The following ROBO2 variants were observed in gnomAD, a reference collection of about 807,000 sequenced individuals.
The protein encoded by ROBO2 is roundabout homolog 2.
A neutral mutation model predicts 160.8 loss-of-function variants in ROBO2; 53 were observed. That is an observed-to-expected ratio of 0.33 (90% CI 0.26 to 0.41). The LOEUF (loss-of-function observed/expected upper bound fraction) is 0.41, where lower values mean the gene tolerates loss of function less well. Ranked by LOEUF, ROBO2 falls within the 10% of genes least tolerant of loss-of-function variation. ROBO2 has a pLI of 1.00. For missense variants in ROBO2, 1,577 were observed against 1,722.4 expected (o/e 0.92, Z 1.49); for synonymous variants, 664 against 611.7 (o/e 1.09, Z -1.26).
chr3:76,810,925 T>A (rs937080345), intron 2 of ROBO2, among the ~76,000 whole-genome samples: 1 of 152,124 alleles, frequency 6.6e-6, no homozygotes, highest in Non-Finnish European at 1.5e-5. Context: ...ATGAAGATAA[T>A]TTGGTTGTTT....
intron 2 of ROBO2, among the ~76,000 whole-genome samples, chr3:76,262,515 A>T (rs984849771): frequency 2.0e-5 from 3 of 152,100 alleles, no homozygotes. Context: ...GCTTTGGTAG[A>T]ACCTTGGGTC....
chr3:76,465,135 TG>T (rs2078293910), intron 2 of ROBO2, among the ~76,000 whole-genome samples: 1 of 152,100 alleles, frequency 6.6e-6, no homozygotes, highest in Non-Finnish European at 1.5e-5. Flanking sequence ...TTTATATTTT[TG>T]TTGAGGCGTA....
chr3:76,567,153 A>C (rs548091067), intron 2 of ROBO2, among the ~76,000 whole-genome samples: 1 of 152,302 alleles, frequency 6.6e-6, no homozygotes, highest in South Asian at 2.1e-4. Context: ...GATAAGGAAA[A>C]GGCAAAAGTC....
chr3:77,062,476 A>G (rs1479810563), intron 1 of ROBO2, among the ~76,000 whole-genome samples: 1 of 152,170 alleles, frequency 6.6e-6, no homozygotes. Flanking sequence ...AAGAGGACTT[A>G]GTGGTGATGA....
At chr3:76,698,412 G>C (rs777090526) in intron 2 of ROBO2, among the ~76,000 whole-genome samples, 3 of 152,164 alleles carry the variant, frequency 2.0e-5, no homozygotes, top group Non-Finnish European at 2.9e-5. Flanking sequence ...GCTGGTCTCT[G>C]GAAGGGGGTG....
intron 2 of ROBO2, among the ~76,000 whole-genome samples, chr3:76,486,895 T>C (rs2107450374): frequency 6.6e-6 from 1 of 152,310 alleles, no homozygotes; most frequent in South Asian, 2.1e-4. Flanking sequence ...TTCTAAATAA[T>C]TGTTATCCCC....
chr3:76,098,266 A>T (rs1320895129), intron 2 of ROBO2, among the ~76,000 whole-genome samples: 1 of 152,212 alleles, frequency 6.6e-6, no homozygotes, highest in Non-Finnish European at 1.5e-5. Flanking sequence ...TTCTATTCTT[A>T]AGAAATAGAA....
chr3:76,792,862 ATG>A, intron 2 of ROBO2, among the ~76,000 whole-genome samples: 1 of 151,948 alleles, frequency 6.6e-6, no homozygotes, highest in South Asian at 2.1e-4. Context: ...ATTAATTTAA[ATG>A]CATGGCACTC....
intron 2 of ROBO2, among the ~76,000 whole-genome samples, chr3:77,180,434 A>AT (rs71104658): frequency 0.014 from 1,105 of 81,766 alleles, 76 homozygotes; most frequent in East Asian, 0.017. Context: ...ATATATATGT[A>AT]TTTTTTTTTT....
chr3:76,609,807 G>A (rs1211387568), intron 2 of ROBO2, among the ~76,000 whole-genome samples: 1 of 152,194 alleles, frequency 6.6e-6, no homozygotes, highest in Non-Finnish European at 1.5e-5. Context: ...AGATCTTGAA[G>A]AAAAGTTTTA....
chr3:76,925,105 G>A (rs2076897449), intron 2 of ROBO2, among the ~76,000 whole-genome samples: 1 of 150,688 alleles, frequency 6.6e-6, no homozygotes, highest in South Asian at 2.1e-4. Context: ...CTACTTGGGA[G>A]GCTGAGGCAG....
At position 76,033,161 on chromosome 3, in the gene ROBO2, A is replaced by C. The variant is rs562191495; in HGVS notation, c.109+95559A>C. 3.7e-4 allele frequency among the ~76,000 whole-genome samples: 57 copies of C among 152,250 alleles called. No individual in the cohort carries two copies. The South Asian group carries it at 0.012, about 32-fold the overall frequency. On this transcript the variant is annotated intron_variant, in intron 2 of 26. Transcript: ENST00000487694. ...TTTTTCTTTGTTTCCTCAGGGGGGA[A>C]AAATATGGTACTTTTATCATGGTTG...
At chr3:75,931,009 G>T (rs1947508798) in intron 1 of ROBO2, among the ~76,000 whole-genome samples, 1 of 152,142 alleles carries the variant, frequency 6.6e-6, no homozygotes, top group Admixed American at 6.6e-5. Flanking sequence ...CGCTTTTCTG[G>T]TGTACTTGGA....
chr3:76,930,937 C>G (rs151218823), intron 2 of ROBO2, among the ~76,000 whole-genome samples: 30 of 152,330 alleles, frequency 2.0e-4, no homozygotes, highest in African/African-American at 7.2e-4. Context: ...TTACAAACTT[C>G]TGGGCATCCC....
intron 2 of ROBO2, among the ~76,000 whole-genome samples, chr3:76,272,983 TATATA>T (rs1559706832): frequency 4.5e-5 from 4 of 89,496 alleles, no homozygotes; most frequent in Admixed American, 1.9e-4. Context: ...ATATATATAA[TATATA>T]ATATATAATT....
At chr3:77,056,026 T>C (rs1393012379) in intron 1 of ROBO2, among the ~76,000 whole-genome samples, 1 of 152,232 alleles carries the variant, frequency 6.6e-6, no homozygotes, top group Non-Finnish European at 1.5e-5. Flanking sequence ...TGTGTAGGTA[T>C]TTATCTCACA....
intron 2 of ROBO2, among the ~76,000 whole-genome samples, chr3:76,025,863 G>T (rs1228839630): frequency 3.3e-5 from 5 of 151,768 alleles, no homozygotes; most frequent in Non-Finnish European, 7.4e-5. Flanking sequence ...CACTTCAGTG[G>T]CATCTAGTCC....
intron 2 of ROBO2, among the ~76,000 whole-genome samples, chr3:76,231,158 T>C (rs1229766318): frequency 6.6e-6 from 1 of 152,196 alleles, no homozygotes; most frequent in Non-Finnish European, 1.5e-5. Flanking sequence ...AACCCTAGGA[T>C]GTTAATACAC....
rs552895551 is a variant in ROBO2 at position 77,387,278 on chromosome 3, G to A, written c.389-90136G>A. Among the ~76,000 whole-genome samples, 4 of 149,138 alleles carry A rather than the reference G, an allele frequency of 2.7e-5. No homozygotes were observed. The East Asian group carries it at 5.9e-4, about 22-fold the overall frequency. On this transcript the variant is annotated intron_variant, in intron 2 of 25. Transcript: ENST00000461745. ...CACACTTTGGGAAGCTGAGGCAGGA[G>A]GATTGCCTCAGGCCAGGAGTTCAAG...
Sources: allele counts gnomAD v4.1 joint callset (sites outside exome capture counted in the v4.1 genomes callset), GRCh38; gene constraint gnomAD v4.1.1; transcripts MANE v1.5; gene names NCBI Gene and HGNC (gene_info 2026-07-23, HGNC 2026-07-21).